TRAPPC8: variants seen among roughly 807,000 people sequenced by gnomAD.
TRAPPC8 encodes general sporulation gene 1 homolog.
TRAPPC8 carries 54 observed loss-of-function variants against 174.3 expected under a neutral mutation model. The ratio of observed to expected loss-of-function variants is 0.31; its 90% confidence interval spans 0.25 to 0.39. TRAPPC8 has a LOEUF of 0.39. Ranked by LOEUF, TRAPPC8 falls within the 10% of genes least tolerant of loss-of-function variation. TRAPPC8 has a pLI of 1.00. For synonymous variants in TRAPPC8, 630 were observed against 579.9 expected, an observed-to-expected ratio of 1.09 and a Z score of -1.24; for missense variants, 1,531 against 1,699.1, an observed-to-expected ratio of 0.90 and a Z score of 1.74.
rs77717624 is a variant in TRAPPC8, at chr18:31,940,893, T to C, written c.157+1715A>G. Among the ~76,000 whole-genome samples, 869 of 152,344 alleles carry C rather than the reference T, an allele frequency of 5.7e-3. 5 individuals are homozygous for C. The highest frequency in any genetic ancestry group is 0.02 in the African/African-American group (826 of 41,582). ...CATAATTCTAAATACTGTCAGGAGA[T>C]AAGATGATTAAGAACACAATGTCTT... On this transcript the variant is annotated intron_variant, in intron 1 of 28. Transcript: ENST00000283351.
At chr18:31,871,577 G>A (rs1373575238) in intron 14 of TRAPPC8, among the ~76,000 whole-genome samples, 1 of 151,880 alleles carries the variant, frequency 6.6e-6, no homozygotes, top group Non-Finnish European at 1.5e-5. Context: ...CTTCCCAGAG[G>A]TATTCCAAAG....
intron 17 of TRAPPC8, 148 bp downstream of exon 17, chr18:31,867,254 C>G (rs547705348): frequency 1.4e-6 from 1 of 704,474 alleles, no homozygotes; most frequent in African/African-American, 1.8e-5. Flanking sequence ...CACCAATTTC[C>G]TCCTGAGCAA....
Position 31,870,522 on chromosome 18 carries a change from A to T in TRAPPC8, c.2258-20T>A. 8.1e-6 allele frequency: 13 copies of T among 1,595,972 alleles called. No homozygotes were observed. Among genetic ancestry groups the T allele is most frequent in the Non-Finnish European group, 1.1e-5 (13 of 1,173,880 alleles). ...TTGGTTCTATTAAAAAAAAGGCCTA[A>T]ATTAATAACTTTAATAAACATCACA... On this transcript the variant is annotated intron_variant, in intron 15 of 28. Coordinates refer to ENST00000283351, the MANE Select transcript of TRAPPC8 (RefSeq NM_014939.5).
intron 12 of TRAPPC8, among the ~76,000 whole-genome samples, chr18:31,875,002 A>C (rs1296006870): frequency 6.6e-6 from 1 of 152,176 alleles, no homozygotes; most frequent in Non-Finnish European, 1.5e-5. Flanking sequence ...TCTGAGCCAC[A>C]ATTTCAAAAC....
rs113306306 is a variant in TRAPPC8 at position 31,906,175 on chromosome 18, G to GA, written c.1389+1284dup. ...GAAACCCTGTCTATACTAAAAATAC[G>GA]AAAAAAAAAAAAAAAATTAGATGGG... On this transcript the variant is annotated intron_variant, in intron 9 of 28. Transcript: ENST00000283351. 6.9e-3 allele frequency among the ~76,000 whole-genome samples: 905 copies of GA among 131,598 alleles called. 5 individuals carry two copies. The highest frequency in any genetic ancestry group is 6.7e-3 in the Non-Finnish European group (408 of 60,558). The allele number at this position is 131,598 out of a possible 152,430, so 86.3% of individuals were successfully genotyped here.
At chr18:31,880,229 G>T (rs2035381954) in intron 12 of TRAPPC8, among the ~76,000 whole-genome samples, 1 of 148,936 alleles carries the variant, frequency 6.7e-6, no homozygotes, top group Non-Finnish European at 1.5e-5. Flanking sequence ...TACCCATGAT[G>T]AACACAGATG....
At chr18:31,915,297 C>T (rs1488124193) in intron 4 of TRAPPC8, among the ~76,000 whole-genome samples, 1 of 150,918 alleles carries the variant, frequency 6.6e-6, no homozygotes, top group Non-Finnish European at 1.5e-5. Flanking sequence ...CCTATCTCTA[C>T]TAAAAATACA....
chr18:31,840,164 G>A (rs71361351), intron 26 of TRAPPC8, among the ~76,000 whole-genome samples: 4,284 of 152,290 alleles, frequency 0.028, 79 homozygotes, highest in Middle Eastern at 0.058. Flanking sequence ...TTGGAGGTTA[G>A]CCTGGCCAAC....
In TRAPPC8 at chr18:31,908,403, CT is replaced by C; in HGVS notation, c.1137del (p.Gly380ValfsTer2). The part of the protein sequence containing the change: ...RQLNDQLISR[K>X]GLSRSLFSAT... ...GCAGAAAATAGAGATCGACTCAAAC[CT>C]TTTCTTGATATTAGCTTTAAAAAAG... On this transcript the variant is annotated frameshift_variant, in exon 8 of 29. Coordinates refer to ENST00000283351, the MANE Select transcript of TRAPPC8 (RefSeq NM_014939.5). LOFTEE classifies it high-confidence loss of function. The C allele has an allele frequency of 6.3e-7, 1 of 1,584,348 alleles. No homozygotes were observed. The highest frequency in any genetic ancestry group is 2.3e-5 in the East Asian group (1 of 43,510).
chr18:31,843,253 A>G (rs2033202793), intron 26 of TRAPPC8, among the ~76,000 whole-genome samples: 1 of 152,204 alleles, frequency 6.6e-6, no homozygotes, highest in African/African-American at 2.4e-5. Flanking sequence ...AGTTTATTAA[A>G]CAATATCACC....
chr18:31,837,653 G>C (rs1238368939), intron 27 of TRAPPC8, among the ~76,000 whole-genome samples: 2 of 151,534 alleles, frequency 1.3e-5, no homozygotes, highest in South Asian at 4.1e-4. Context: ...AGCCAAGATC[G>C]TATCACTGCA....
rs1199852014 is a variant in TRAPPC8 at position 31,830,553 on chromosome 18, G to C, written c.*202C>G. On this transcript the variant is annotated 3_prime_UTR_variant, in exon 29 of 29. Coordinates refer to ENST00000283351, the MANE Select transcript of TRAPPC8 (RefSeq NM_014939.5). Reference sequence around the variant, plus strand: ...TTATGAGCATGTAAATTATTCTCAGGGTTTAAAGAAATACAGAAAAAGAAT... The same window carrying C: ...TTATGAGCATGTAAATTATTCTCAGCGTTTAAAGAAATACAGAAAAAGAAT... The C allele has an allele frequency of 7.1e-6, 4 of 564,970 alleles. No homozygotes were observed. The highest frequency in any genetic ancestry group is 1.3e-5 in the Non-Finnish European group (4 of 319,524). 35.0% of individuals were successfully genotyped at this position (564,970 alleles called of 1,614,324 possible). A position where few individuals can be genotyped will look rare whatever the true frequency, so the allele number is the denominator to read the frequency against.
Position 31,942,860 on chromosome 18 carries a change from G to C in TRAPPC8, c.-96C>G, listed in dbSNP as rs919370250. On this transcript the variant is annotated 5_prime_UTR_variant, in exon 1 of 29. Coordinates refer to ENST00000283351, the MANE Select transcript of TRAPPC8 (RefSeq NM_014939.5). ...GCTACCGCCGCCGCCCGCCGGCCTG[G>C]CCCGGCCGGGCGGGGCCCCGAACGC... The C allele has an allele frequency of 4.0e-6, 5 of 1,257,362 alleles. No homozygotes were observed. Among genetic ancestry groups the C allele is most frequent in the African/African-American group, 3.1e-5 (2 of 64,418 alleles). 77.9% of individuals were successfully genotyped at this position (1,257,362 alleles called of 1,614,324 possible). A position where few individuals can be genotyped will look rare whatever the true frequency, so the allele number is the denominator to read the frequency against.
In TRAPPC8 at chr18:31,907,378, G is replaced by A. The variant is rs974402939; in HGVS notation, c.1389+82C>T. On this transcript the variant is annotated intron_variant, in intron 9 of 28. Coordinates refer to ENST00000283351, the MANE Select transcript of TRAPPC8 (RefSeq NM_014939.5). The stretch of plus-strand genomic sequence containing the variant: ...TCTTTGAGTACAACTTTATCCCTAA[G>A]GATTCTGTTTGCCACCAAGAGAAAT... The A allele has an allele frequency of 2.9e-5, 40 of 1,356,996 alleles. No individual in the cohort carries two copies. The African/African-American group carries it at 5.4e-4, about 18-fold the overall frequency. 84.1% of individuals were successfully genotyped at this position (1,356,996 alleles called of 1,614,324 possible).
intron 12 of TRAPPC8, among the ~76,000 whole-genome samples, chr18:31,875,988 T>TA (rs1568075866): frequency 6.6e-6 from 1 of 152,118 alleles, no homozygotes; most frequent in Admixed American, 6.5e-5. Flanking sequence ...GACCTAGCGT[T>TA]AGACAGATCA....
intron 2 of TRAPPC8, among the ~76,000 whole-genome samples, chr18:31,929,200 AAAAAG>A (rs1039246253): frequency 6.0e-5 from 9 of 150,600 alleles, no homozygotes; most frequent in Admixed American, 2.6e-4. Flanking sequence ...TGAAAAAAAA[AAAAAG>A]AAAAGAATCC....
intron 2 of TRAPPC8, among the ~76,000 whole-genome samples, chr18:31,926,962 G>C (rs1365633629): frequency 6.6e-6 from 1 of 152,058 alleles, no homozygotes; most frequent in Non-Finnish European, 1.5e-5. Flanking sequence ...TTACGCCATA[G>C]ACAGCCATAT....
In TRAPPC8 at chr18:31,902,190, A is replaced by G. The variant is rs562013348; in HGVS notation, c.1390-1165T>C. Among the ~76,000 whole-genome samples the G allele has an allele frequency of 2.0e-5, 3 of 152,234 alleles. No individual in the cohort carries two copies. In the East Asian group the frequency reaches 5.8e-4, roughly 29 times the overall value. The stretch of plus-strand genomic sequence containing the variant: ...ATTCCTGAACACCCTCAACAGCCAG[A>G]AGTGGTGGCAGGTGCCTGTAATCCT... On this transcript the variant is annotated intron_variant, in intron 9 of 28. Transcript: ENST00000283351.
intron 14 of TRAPPC8, 42 bp from the exon 15 acceptor site, chr18:31,871,162 C>T: frequency 4.1e-6 from 5 of 1,222,984 alleles, no homozygotes; most frequent in Non-Finnish European, 5.6e-6. Flanking sequence ...AAGACTTGCC[C>T]TCAAATAAAA....
Sources: gnomAD v4.1 joint callset for allele counts (sites outside exome capture counted in the v4.1 genomes callset) on GRCh38, gnomAD v4.1.1 for gene constraint, MANE v1.5 for transcripts, NCBI Gene and HGNC (gene_info 2026-07-23, HGNC 2026-07-21) for gene names.